The following MITF variants were observed in gnomAD, a reference collection of about 807,000 sequenced individuals.
MITF encodes melanocyte inducing transcription factor, also known as microphthalmia-associated transcription factor.
A neutral mutation model predicts 60.5 loss-of-function variants in MITF; 17 were observed. That is an observed-to-expected ratio of 0.28 (90% confidence interval 0.19 to 0.42). The LOEUF (loss-of-function observed/expected upper bound fraction) is 0.42, where lower values mean the gene tolerates loss of function less well. Ranked by LOEUF, MITF falls within the 10% of genes least tolerant of loss-of-function variation. The probability of loss-of-function intolerance (pLI) is 1.00; values close to 1 mark genes in which losing one functional copy is unlikely to be tolerated. For synonymous variants in MITF, 260 were observed against 248.5 expected (o/e 1.05, Z -0.43); for missense variants, 622 against 683.5 (o/e 0.91, Z 1.00).
chr3:69,884,173 A>G (rs1328271865), intron 2 of MITF, among the ~76,000 whole-genome samples: 7 of 152,190 alleles, frequency 4.6e-5, no homozygotes, highest in African/African-American at 1.2e-4. Flanking sequence ...ATGCAGCAGA[A>G]TAGTTCAATA....
intron 1 of MITF, chr3:69,763,840 A>C: frequency 7.3e-7 from 1 of 1,369,302 alleles, no homozygotes; most frequent in Non-Finnish European, 9.7e-7. Flanking sequence ...CTCTGAAGTC[A>C]AATGGGACAC....
chr3:69,847,786 G>A (rs1380379953), intron 1 of MITF, among the ~76,000 whole-genome samples: 1 of 152,194 alleles, frequency 6.6e-6, no homozygotes, highest in Non-Finnish European at 1.5e-5. Context: ...ACTTTGCCAT[G>A]TTTCATTTCT....
At chr3:69,869,977 A>T (rs1361800746) in intron 1 of MITF, among the ~76,000 whole-genome samples, 4 of 151,112 alleles carry the variant, frequency 2.6e-5, no homozygotes, top group African/African-American at 9.7e-5. Flanking sequence ...CTTACGTAGA[A>T]CTCCAGAAAA....
chr3:69,815,680 G>C (rs1273872500), intron 1 of MITF, among the ~76,000 whole-genome samples: 1 of 152,162 alleles, frequency 6.6e-6, no homozygotes, highest in African/African-American at 2.4e-5. Flanking sequence ...AGAGTCAAAA[G>C]TTATATGTGG....
At chr3:69,931,685 C>T (rs1420436140) in intron 2 of MITF, among the ~76,000 whole-genome samples, 1 of 152,110 alleles carries the variant, frequency 6.6e-6, no homozygotes, top group East Asian at 1.9e-4. Flanking sequence ...GTATACAGAC[C>T]CATAAATATG....
chr3:69,750,987 G>T (rs951230855), intron 1 of MITF, among the ~76,000 whole-genome samples: 4 of 152,108 alleles, frequency 2.6e-5, no homozygotes, highest in Non-Finnish European at 4.4e-5. Context: ...TAGGATTCTT[G>T]GTTGTATAAT....
chr3:69,815,181 G>C (rs1364880404), intron 1 of MITF, among the ~76,000 whole-genome samples: 1 of 152,148 alleles, frequency 6.6e-6, no homozygotes, highest in Non-Finnish European at 1.5e-5. Context: ...CAAGGGTTCA[G>C]AGGTTATCTC....
At chr3:69,873,153 A>C (rs1282237166) in intron 1 of MITF, among the ~76,000 whole-genome samples, 1 of 152,194 alleles carries the variant, frequency 6.6e-6, no homozygotes, top group Non-Finnish European at 1.5e-5. Context: ...TCTCAGTGTG[A>C]AGCCGAACTA....
chr3:69,917,561 C>T (rs2065364162), intron 2 of MITF, among the ~76,000 whole-genome samples: 1 of 152,006 alleles, frequency 6.6e-6, no homozygotes, highest in Non-Finnish European at 1.5e-5. Context: ...TATAACATTC[C>T]TTATATTCTT....
chr3:69,755,439 T>TG (rs1704106840), intron 1 of MITF, among the ~76,000 whole-genome samples: 1 of 39,326 alleles, frequency 2.5e-5, no homozygotes, highest in Non-Finnish European at 6.9e-5. Flanking sequence ...CTGGGTTTTT[T>TG]TTTTTTTTTT....
At chr3:69,741,243 A>C (rs1192247253) in intron 1 of MITF, among the ~76,000 whole-genome samples, 2 of 152,160 alleles carry the variant, frequency 1.3e-5, no homozygotes, top group Non-Finnish European at 2.9e-5. Flanking sequence ...GGTTATGCTC[A>C]TCAGGGCTTT....
intron 1 of MITF, chr3:69,866,442 TA>T (rs1366273712): frequency 3.9e-5 from 58 of 1,488,160 alleles, no homozygotes; most frequent in Non-Finnish European, 5.2e-5. Flanking sequence ...GAGAAGGGTT[TA>T]TTGGGAGTTA....
intron 2 of MITF, among the ~76,000 whole-genome samples, chr3:69,917,811 C>T (rs1443896856): frequency 6.6e-6 from 1 of 151,856 alleles, no homozygotes; most frequent in African/African-American, 2.4e-5. Flanking sequence ...ATGTATAGAT[C>T]CTCCTTTAGA....
chr3:69,806,619 C>G (rs954369326), intron 1 of MITF, among the ~76,000 whole-genome samples: 3 of 152,076 alleles, frequency 2.0e-5, no homozygotes, highest in Admixed American at 2.0e-4. Flanking sequence ...AGGCTAAGAA[C>G]TCATATGTAA....
At chr3:69,810,886 A>T (rs370537805) in intron 1 of MITF, among the ~76,000 whole-genome samples, 2 of 152,254 alleles carry the variant, frequency 1.3e-5, no homozygotes, top group East Asian at 3.8e-4. Context: ...GATGATCAAT[A>T]AATCATAGCT....
chr3:69,754,816 G>A (rs554715236), intron 1 of MITF, among the ~76,000 whole-genome samples: 45 of 151,216 alleles, frequency 3.0e-4, no homozygotes, highest in African/African-American at 8.2e-4. Flanking sequence ...TAGTTCCCTC[G>A]TTCTGATTAC....
At chr3:69,829,851 C>G (rs976449076) in intron 1 of MITF, among the ~76,000 whole-genome samples, 1 of 152,134 alleles carries the variant, frequency 6.6e-6, no homozygotes, top group African/African-American at 2.4e-5. Flanking sequence ...AGGTGACCTC[C>G]CTTAGGGCCA....
At chr3:69,925,693 T>C (rs754940012) in intron 2 of MITF, among the ~76,000 whole-genome samples, 2 of 152,192 alleles carry the variant, frequency 1.3e-5, no homozygotes, top group Non-Finnish European at 2.9e-5. Flanking sequence ...TCACTGACCT[T>C]GTCAGTACTC....
intron 2 of MITF, among the ~76,000 whole-genome samples, chr3:69,890,027 A>G (rs1224766045): frequency 6.6e-6 from 1 of 152,164 alleles, no homozygotes; most frequent in Non-Finnish European, 1.5e-5. Context: ...TCACACGAAT[A>G]TAAAAATTAT....
Sources: allele counts gnomAD v4.1 joint callset (sites outside exome capture counted in the v4.1 genomes callset), GRCh38; gene constraint gnomAD v4.1.1; transcripts MANE v1.5; gene names NCBI Gene and HGNC (gene_info 2026-07-23, HGNC 2026-07-21).